The following SFRP1 variants were observed in gnomAD, a reference collection of about 807,000 sequenced individuals.
SFRP1 encodes secreted frizzled-related protein 1.
In SFRP1, 9 loss-of-function variants were observed where a neutral mutation model predicts 25.9. That is an observed-to-expected ratio of 0.35 (90% CI 0.21 to 0.61). The LOEUF is 0.61. Among genes scored for constraint, SFRP1 ranks in the 20% least tolerant of loss-of-function variants. SFRP1 has a pLI of 0.78. For missense variants in SFRP1, 346 were observed against 418.2 expected, an observed-to-expected ratio of 0.83 and a Z score of 1.51; for synonymous variants, 178 against 174.0, an observed-to-expected ratio of 1.02 and a Z score of -0.18.
Position 41,309,184 on chromosome 8 carries a change from C to T in SFRP1, c.-25G>A. ...TGCCGGCTCTGCGCCCTGTTCTCCGCGACGTCGGGGCTGCCTCCGCCGCCT... is the reference window on the plus strand; with the variant it reads ...TGCCGGCTCTGCGCCCTGTTCTCCGTGACGTCGGGGCTGCCTCCGCCGCCT... On this transcript the variant is annotated 5_prime_UTR_variant, in exon 1 of 3. Coordinates refer to ENST00000220772, the MANE Select transcript of SFRP1 (RefSeq NM_003012.5). 7.7e-7 allele frequency: 1 copy of T among 1,295,678 alleles called. No individual in the cohort carries two copies. Among genetic ancestry groups the T allele is most frequent in the Middle Eastern group, 2.9e-4 (1 of 3,458 alleles). The allele number at this position is 1,295,678 out of a possible 1,614,324, so 80.3% of individuals were successfully genotyped here. A position where few individuals can be genotyped will look rare whatever the true frequency, so the allele number is the denominator to read the frequency against.
At chr8:41,297,303 C>T (rs1468949512) in intron 2 of SFRP1, among the ~76,000 whole-genome samples, 1 of 152,208 alleles carries the variant, frequency 6.6e-6, no homozygotes, top group East Asian at 1.9e-4. Flanking sequence ...CTCAGCCTCC[C>T]AAAGTGCTGG....
intron 2 of SFRP1, among the ~76,000 whole-genome samples, chr8:41,290,975 C>T (rs1175752501): frequency 3.1e-5 from 4 of 130,770 alleles, no homozygotes; most frequent in Admixed American, 2.6e-4. Flanking sequence ...GGCGCGATCT[C>T]GGCTCACTGC....
In SFRP1 at chr8:41,265,112, T is replaced by TCCCCCCCCCCTCCCCCCCC; in HGVS notation, c.*54_*55insGGGGGGGGAGGGGGGGGGG. Reference sequence around the variant, plus strand: ...GACCCACCGGGTTCCCGGGGCACTGTCCCCCCCGCTCCCACCCCACCCGAG... The same window carrying TCCCCCCCCCCTCCCCCCCC: ...GACCCACCGGGTTCCCGGGGCACTGTCCCCCCCCCCTCCCCCCCCCCCCCCCGCTCCCACCCCACCCGAG... On this transcript the variant is annotated 3_prime_UTR_variant, in exon 3 of 3. Coordinates refer to ENST00000220772, the MANE Select transcript of SFRP1 (RefSeq NM_003012.5). The TCCCCCCCCCCTCCCCCCCC allele has an allele frequency of 1.9e-6, 1 of 517,774 alleles. No homozygotes were observed. Among genetic ancestry groups the TCCCCCCCCCCTCCCCCCCC allele is most frequent in the East Asian group, 3.6e-5 (1 of 28,056 alleles). 32.1% of individuals were successfully genotyped at this position (517,774 alleles called of 1,614,324 possible).
At chr8:41,278,205 T>TA (rs1803593591) in intron 2 of SFRP1, among the ~76,000 whole-genome samples, 1 of 152,108 alleles carries the variant, frequency 6.6e-6, no homozygotes, top group South Asian at 2.1e-4. Context: ...CAGCACTACT[T>TA]ACAGAATTGC....
At chr8:41,270,123 G>A (rs1466306528) in intron 2 of SFRP1, among the ~76,000 whole-genome samples, 1 of 152,098 alleles carries the variant, frequency 6.6e-6, no homozygotes, top group Non-Finnish European at 1.5e-5. Flanking sequence ...GAGTGGTGAG[G>A]GCAAATTCCA....
chr8:41,267,422 G>A (rs1803448862), intron 2 of SFRP1, among the ~76,000 whole-genome samples: 1 of 152,204 alleles, frequency 6.6e-6, no homozygotes, highest in African/African-American at 2.4e-5. Context: ...GTCAGCCCGA[G>A]ATATTCCCAA....
chr8:41,308,539 G>C lies in SFRP1; in HGVS notation c.544+77C>G, dbSNP rs2117525876. On this transcript the variant is annotated intron_variant, in intron 1 of 2. Coordinates refer to ENST00000220772, the MANE Select transcript of SFRP1 (RefSeq NM_003012.5). ...GGGACCCAGCGGCGGGCGGGCGTAG[G>C]GTGGCGCGGGTTCTCCTGCAGCTCC... 4 of 1,222,728 alleles carry C rather than the reference G, an allele frequency of 3.3e-6. No homozygotes were observed. In the East Asian group the frequency reaches 1.0e-4, roughly 31 times the overall value. 75.7% of individuals were successfully genotyped at this position (1,222,728 alleles called of 1,614,324 possible). A position where few individuals can be genotyped will look rare whatever the true frequency, so the allele number is the denominator to read the frequency against.
chr8:41,306,480 T>TACACAC (rs61425542), intron 1 of SFRP1, among the ~76,000 whole-genome samples: 42 of 147,426 alleles, frequency 2.8e-4, no homozygotes, highest in African/African-American at 7.4e-4. Flanking sequence ...TCTACACACC[T>TACACAC]ACACACACAC....
intron 2 of SFRP1, among the ~76,000 whole-genome samples, chr8:41,290,503 G>A (rs932340925): frequency 3.3e-5 from 5 of 152,218 alleles, no homozygotes; most frequent in African/African-American, 1.2e-4. Flanking sequence ...AACTGCTCTT[G>A]GTAATGGCCA....
chr8:41,293,860 C>G (rs1803808084), intron 2 of SFRP1, among the ~76,000 whole-genome samples: 1 of 152,098 alleles, frequency 6.6e-6, no homozygotes, highest in Non-Finnish European at 1.5e-5. Context: ...GCAGCCTCGA[C>G]CTCGCGGGCT....
intron 2 of SFRP1, among the ~76,000 whole-genome samples, chr8:41,275,644 AG>A (rs1287431443): frequency 6.6e-6 from 1 of 151,954 alleles, no homozygotes; most frequent in Non-Finnish European, 1.5e-5. Flanking sequence ...CTGGGACTAC[AG>A]GCACACACCG....
chr8:41,271,802 CAA>C (rs1270326649), intron 2 of SFRP1, among the ~76,000 whole-genome samples: 1 of 143,226 alleles, frequency 7.0e-6, no homozygotes. Flanking sequence ...CCATCTCTAC[CAA>C]AAAAAAAAAA....
chr8:41,275,521 T>C (rs1803561412), intron 2 of SFRP1, among the ~76,000 whole-genome samples: 2 of 151,644 alleles, frequency 1.3e-5, no homozygotes, highest in South Asian at 4.2e-4. Flanking sequence ...TTTTTTTTTT[T>C]AGACAGAGTT....
chr8:41,277,394 TC>T (rs1803584869), intron 2 of SFRP1, among the ~76,000 whole-genome samples: 1 of 152,202 alleles, frequency 6.6e-6, no homozygotes, highest in African/African-American at 2.4e-5. Flanking sequence ...CCAATCTACT[TC>T]CTGGTGTTTG....
intron 2 of SFRP1, among the ~76,000 whole-genome samples, chr8:41,297,427 G>C (rs557594493): frequency 1.3e-5 from 2 of 152,280 alleles, no homozygotes; most frequent in African/African-American, 4.8e-5. Context: ...GAATTAACTA[G>C]CATATTCCAT....
intron 2 of SFRP1, among the ~76,000 whole-genome samples, chr8:41,291,051 C>T (rs527942536): frequency 2.0e-5 from 3 of 151,164 alleles, no homozygotes; most frequent in Non-Finnish European, 4.4e-5. Flanking sequence ...GGACTACAGG[C>T]GCCCGCCACC....
chr8:41,296,262 T>C (rs1277189181), intron 2 of SFRP1, among the ~76,000 whole-genome samples: 7 of 152,240 alleles, frequency 4.6e-5, no homozygotes. Flanking sequence ...TAGTAGTGTT[T>C]ACCTTGGTAA....
chr8:41,304,873 C>T (rs1237943745), intron 1 of SFRP1, among the ~76,000 whole-genome samples: 1 of 152,068 alleles, frequency 6.6e-6, no homozygotes, highest in African/African-American at 2.4e-5. Flanking sequence ...CCCACCTTTA[C>T]TCTGCACCCA....
At chr8:41,302,500 G>T (rs543447886) in intron 2 of SFRP1, among the ~76,000 whole-genome samples, 2 of 152,182 alleles carry the variant, frequency 1.3e-5, no homozygotes, top group Admixed American at 1.3e-4. Flanking sequence ...TTCCAGATAA[G>T]AATTCTGTAA....
Sources: gnomAD v4.1 joint callset for allele counts (sites outside exome capture counted in the v4.1 genomes callset) on GRCh38, gnomAD v4.1.1 for gene constraint, MANE v1.5 for transcripts, NCBI Gene and HGNC (gene_info 2026-07-23, HGNC 2026-07-21) for gene names.